Variants in EYS observed in about 807,000 individuals in gnomAD.
EYS encodes the protein EGF-like photoreceptor maintenance factor.
EYS carries 250 observed loss-of-function variants against 282.1 expected under a neutral mutation model. The ratio of observed to expected loss-of-function variants is 0.89; its 90% confidence interval spans 0.80 to 0.98. The LOEUF (loss-of-function observed/expected upper bound fraction) is 0.98. Ranked by LOEUF, EYS falls within the 50% of genes least tolerant of loss-of-function variation. The pLI is 0.00. For synonymous variants in EYS, 1,355 were observed against 1,282.9 expected, an observed-to-expected ratio of 1.06 and a Z score of -1.20; for missense variants, 4,016 against 3,709.0, an observed-to-expected ratio of 1.08 and a Z score of -2.15.
chr6:64,822,874 T>C, intron 19 of EYS, 52 bp from the exon 20 acceptor site: 1 of 1,469,356 alleles, frequency 6.8e-7, no homozygotes, highest in Non-Finnish European at 9.2e-7. Flanking sequence ...TACAAAACTC[T>C]TAAAAGTTTG....
At chr6:64,801,911 G>GC (rs1211491934) in intron 22 of EYS, among the ~76,000 whole-genome samples, 1 of 151,188 alleles carries the variant, frequency 6.6e-6, no homozygotes, top group Non-Finnish European at 1.5e-5. Flanking sequence ...ATCTATCTTT[G>GC]CCTATCTCAT....
intron 19 of EYS, among the ~76,000 whole-genome samples, chr6:64,881,341 G>A (rs372448745): frequency 2.0e-5 from 3 of 151,934 alleles, no homozygotes; most frequent in East Asian, 3.9e-4. Context: ...GAATGATGTT[G>A]TATAACAGAT....
At chr6:63,824,711 C>T (rs2149687308) in intron 36 of EYS, among the ~76,000 whole-genome samples, 1 of 152,196 alleles carries the variant, frequency 6.6e-6, no homozygotes. Context: ...AGAGCCGAGC[C>T]AAGTGAAATA....
At chr6:65,434,934 T>G (rs1562179212) in intron 5 of EYS, among the ~76,000 whole-genome samples, 1 of 152,076 alleles carries the variant, frequency 6.6e-6, no homozygotes, top group East Asian at 1.9e-4. Flanking sequence ...GTATTCTTAA[T>G]ATTTATTATA....
chr6:65,535,705 G>A (rs1246905207), intron 2 of EYS, among the ~76,000 whole-genome samples: 1 of 152,078 alleles, frequency 6.6e-6, no homozygotes, highest in Non-Finnish European at 1.5e-5. Context: ...CTTACTCAGC[G>A]ATGTCAAACT....
chr6:63,789,887 C>A (rs1399865262), intron 37 of EYS, among the ~76,000 whole-genome samples: 1 of 152,128 alleles, frequency 6.6e-6, no homozygotes, highest in East Asian at 1.9e-4. Context: ...AGTGACCCAG[C>A]ATTAATCACT....
At chr6:64,873,536 G>C (rs970954470) in intron 19 of EYS, among the ~76,000 whole-genome samples, 1 of 152,070 alleles carries the variant, frequency 6.6e-6, no homozygotes, top group Non-Finnish European at 1.5e-5. Flanking sequence ...GGAGGAAGGA[G>C]CAAGGTGGAG....
chr6:65,553,430 C>A (rs1431909965), intron 2 of EYS, among the ~76,000 whole-genome samples: 1 of 152,094 alleles, frequency 6.6e-6, no homozygotes, highest in Non-Finnish European at 1.5e-5. Context: ...TGTCCAGCAT[C>A]TAAAACAAGA....
rs556254907 is a variant in EYS, at chr6:65,159,225, T to C, written c.2024-101498A>G. On this transcript the variant is annotated intron_variant, in intron 12 of 42. Transcript: ENST00000503581. ...ATGCATTAATTATTGAGATCCATTA[T>C]AGATAGCTTGTATAGCCAATATTCT... Among the ~76,000 whole-genome samples, 6 of 151,024 alleles carry C rather than the reference T, an allele frequency of 4.0e-5. No homozygotes were observed. In the South Asian group the frequency reaches 8.3e-4, roughly 21 times the overall value.
At chr6:65,378,214 G>C (rs1215320299) in intron 8 of EYS, among the ~76,000 whole-genome samples, 1 of 152,080 alleles carries the variant, frequency 6.6e-6, no homozygotes, top group African/African-American at 2.4e-5. Context: ...TCATCAAAAA[G>C]TGTGTGAAGG....
chr6:64,193,928 C>A (rs956166077), intron 31 of EYS, among the ~76,000 whole-genome samples: 1 of 152,094 alleles, frequency 6.6e-6, no homozygotes, highest in South Asian at 2.1e-4. Flanking sequence ...GGTTCCAAGT[C>A]TTTGGTATTG....
chr6:64,835,767 A>G (rs1400870698), intron 19 of EYS, among the ~76,000 whole-genome samples: 1 of 151,682 alleles, frequency 6.6e-6, no homozygotes, highest in Non-Finnish European at 1.5e-5. Context: ...CTGTGTACAT[A>G]TTATAACAAA....
At chr6:63,748,629 G>A (rs147418934) in intron 41 of EYS, among the ~76,000 whole-genome samples, 213 of 152,062 alleles carry the variant, frequency 1.4e-3, no homozygotes, top group Non-Finnish European at 2.5e-3. Flanking sequence ...GCTTTTTTTG[G>A]TTGGTAGGCT....
At chr6:64,353,586 T>C (rs1157701197) in intron 29 of EYS, among the ~76,000 whole-genome samples, 2 of 151,674 alleles carry the variant, frequency 1.3e-5, no homozygotes, top group East Asian at 2.0e-4. Flanking sequence ...CTGTAATTTA[T>C]CCTTATGGAT....
At chr6:65,480,871 C>G (rs1765582662) in intron 5 of EYS, among the ~76,000 whole-genome samples, 3 of 152,100 alleles carry the variant, frequency 2.0e-5, no homozygotes, top group Non-Finnish European at 4.4e-5. Flanking sequence ...AAGATAAATA[C>G]TGCATGTTCT....
chr6:64,153,497 T>A lies in EYS; in HGVS notation c.6425-71495A>T, dbSNP rs550172550. On this transcript the variant is annotated intron_variant, in intron 31 of 42. Coordinates refer to ENST00000503581, the MANE Select transcript of EYS (RefSeq NM_001142800.2). ...ATTTTTATAACTATAAAATGTAGAATTTAAACAGGTAATGAACAGAAGAGG... is the reference window on the plus strand; with the variant it reads ...ATTTTTATAACTATAAAATGTAGAAATTAAACAGGTAATGAACAGAAGAGG... 1.8e-4 allele frequency among the ~76,000 whole-genome samples: 28 copies of A among 152,314 alleles called. 1 individual carries two copies. The South Asian group carries it at 3.1e-3, about 17-fold the overall frequency.
chr6:64,293,496 C>G (rs1405205523), intron 30 of EYS, among the ~76,000 whole-genome samples: 1 of 151,998 alleles, frequency 6.6e-6, no homozygotes, highest in Non-Finnish European at 1.5e-5. Context: ...CACATTCCTT[C>G]AGGAATAGTA....
chr6:65,158,537 G>GC (rs1764779999), intron 12 of EYS, among the ~76,000 whole-genome samples: 1 of 150,776 alleles, frequency 6.6e-6, no homozygotes, highest in Non-Finnish European at 1.5e-5. Flanking sequence ...AAAGAAATAT[G>GC]TTTGTGTTGA....
intron 18 of EYS, among the ~76,000 whole-genome samples, chr6:64,900,593 A>C (rs1372674829): frequency 6.6e-6 from 1 of 152,216 alleles, no homozygotes; most frequent in Non-Finnish European, 1.5e-5. Flanking sequence ...CACTTTTCAA[A>C]AGAAGACATT....
Sources: allele counts gnomAD v4.1 joint callset (sites outside exome capture counted in the v4.1 genomes callset), GRCh38; gene constraint gnomAD v4.1.1; transcripts MANE v1.5; gene names NCBI Gene and HGNC (gene_info 2026-07-23, HGNC 2026-07-21).